CHD5: variants seen among roughly 807,000 people sequenced by gnomAD.
The protein encoded by CHD5 is ATP-dependent chromatin remodeler CHD5.
CHD5 carries 69 observed loss-of-function variants against 230.3 expected under a neutral mutation model. That is an observed-to-expected ratio of 0.30 (90% confidence interval 0.25 to 0.37). The LOEUF is 0.37. Among genes scored for constraint, CHD5 ranks in the 10% least tolerant of loss-of-function variants. CHD5 has a pLI of 1.00. For synonymous variants in CHD5, 1,064 were observed against 1,065.9 expected (o/e 1.00, Z 0.03); for missense variants, 1,827 against 2,622.8 (o/e 0.70, Z 6.63).
rs1453878947 is a variant in CHD5 at position 6,128,052 on chromosome 1, G to A, written c.3897C>T (p.Asp1299=). 6.8e-6 allele frequency: 11 copies of A among 1,606,034 alleles called. No homozygotes were observed. The highest frequency in any genetic ancestry group is 4.0e-5 in the African/African-American group (3 of 74,780). The change falls in exon 25 of 42, where the codon GAC becomes GAT. Residue 1299 remains aspartate, a synonymous_variant. Coordinates refer to ENST00000262450, the MANE Select transcript of CHD5 (RefSeq NM_015557.3). This position sits in a 1 kb window ranked among gnomAD's most constrained non-coding sequence, Gnocchi z 7.8. The part of the protein sequence containing the change: ...KVAQYVVREE[D]GVEEVEREII... ...GGCGGGCCGGGGACCTTACCACGCC[G>A]TCCTCCTCGCGCACCACGTACTGCG...
Position 6,143,907 on chromosome 1 carries a change from G to C in CHD5, c.1959C>G (p.Thr653=). Residue 653 remains threonine, a synonymous_variant, in exon 13 of 42, where the codon ACC becomes ACG. Transcript: ENST00000262450. ...GHRELMLGED[T]RLPKRLLKKG... Reference sequence around the variant, plus strand: ...TCTTGAGCAGCCTCTTGGGCAGCCTGGTGTCTTCTCCCAGCATCAGCTCCC... The same window carrying C: ...TCTTGAGCAGCCTCTTGGGCAGCCTCGTGTCTTCTCCCAGCATCAGCTCCC... The C allele has an allele frequency of 6.2e-7, 1 of 1,614,008 alleles. No individual in the cohort carries two copies. Among genetic ancestry groups the C allele is most frequent in the Non-Finnish European group, 8.5e-7 (1 of 1,180,016 alleles).
At position 6,154,967 on chromosome 1, in the gene CHD5, A is replaced by AG; in HGVS notation, c.507-70dup. On this transcript the variant is annotated intron_variant, in intron 4 of 41. Transcript: ENST00000262450. This position sits in a 1 kb window ranked among gnomAD's most constrained non-coding sequence, Gnocchi z 7.0. The stretch of plus-strand genomic sequence containing the variant: ...ATGAGAGGCCCACCCGACCCCCGGC[A>AG]GGGCCCACCCCTCTGCCACATGTGC... The AG allele has an allele frequency of 7.3e-7, 1 of 1,379,196 alleles. No homozygotes were observed. The highest frequency in any genetic ancestry group is 2.3e-5 in the East Asian group (1 of 43,158). 85.4% of individuals were successfully genotyped at this position (1,379,196 alleles called of 1,614,324 possible). A position where few individuals can be genotyped will look rare whatever the true frequency, so the allele number is the denominator to read the frequency against.
chr1:6,108,080 AGATGGAGGGAT>A (rs1182870647), intron 38 of CHD5, among the ~76,000 whole-genome samples: 2 of 79,976 alleles, frequency 2.5e-5, no homozygotes, highest in Admixed American at 1.2e-4. Flanking sequence ...GATGATGGAG[AGATGGAGGGAT>A]GATGGAGGGA....
Position 6,106,724 on chromosome 1 carries a change from C to T in CHD5, c.5634G>A (p.Leu1878=). Residue 1878 remains leucine (L), a synonymous_variant, in exon 39 of 42, where the codon CTG becomes CTA. Transcript: ENST00000262450. ...LSDMKADVTR[L]PSMLSRIPPV... ...GGGGGATGCGGGACAGCATGGATGGCAGCCGGGTCACGTCGGCCTTCATGT... is the reference window on the plus strand; with the variant it reads ...GGGGGATGCGGGACAGCATGGATGGTAGCCGGGTCACGTCGGCCTTCATGT... The T allele has an allele frequency of 6.2e-7, 1 of 1,611,960 alleles. No homozygotes were observed. The highest frequency in any genetic ancestry group is 8.5e-7 in the Non-Finnish European group (1 of 1,179,740).
intron 2 of CHD5, 37 bp downstream of exon 2, chr1:6,168,113 C>A: frequency 6.3e-7 from 1 of 1,575,146 alleles, no homozygotes; most frequent in Non-Finnish European, 8.7e-7. Flanking sequence ...ACAACCCCAC[C>A]CGCCCCAAGC....
chr1:6,113,451 T>A, intron 33 of CHD5: 1 of 271,830 alleles, frequency 3.7e-6, no homozygotes, highest in Non-Finnish European at 7.6e-6. Context: ...AGAAGATGAG[T>A]TCCCAAGAAG....
chr1:6,149,588 T>C (rs1451673814), intron 7 of CHD5, among the ~76,000 whole-genome samples, 176 bp from the exon 8 acceptor site: 1 of 151,490 alleles, frequency 6.6e-6, no homozygotes, highest in Non-Finnish European at 1.5e-5. Context: ...AGATAGAAGA[T>C]GGATAAAAGG....
intron 15 of CHD5, among the ~76,000 whole-genome samples, chr1:6,137,613 G>C (rs139745142): frequency 6.6e-6 from 1 of 152,204 alleles, no homozygotes; most frequent in South Asian, 2.1e-4. Context: ...GAATACAGGC[G>C]TGAGCTACCG....
rs150110448 is a variant in CHD5 at position 6,135,972 on chromosome 1, T to C, written c.2696+545A>G. 4.3e-3 allele frequency among the ~76,000 whole-genome samples: 656 copies of C among 151,982 alleles called. 14 individuals are homozygous for C. The highest frequency in any genetic ancestry group is 0.031 in the Admixed American group (480 of 15,258). On this transcript the variant is annotated intron_variant, in intron 17 of 41. Coordinates refer to ENST00000262450, the MANE Select transcript of CHD5 (RefSeq NM_015557.3). ...TTGCAGTGAACTGAGATCAAGCCACTGCACTCTGGCCTGGGTGACAGAGTG... is the reference window on the plus strand; with the variant it reads ...TTGCAGTGAACTGAGATCAAGCCACCGCACTCTGGCCTGGGTGACAGAGTG...
intron 17 of CHD5, 141 bp downstream of exon 17, chr1:6,136,376 G>A (rs1417625589): frequency 2.1e-6 from 2 of 969,510 alleles, no homozygotes; most frequent in Non-Finnish European, 3.1e-6. Context: ...GGTCAAAGCG[G>A]GGACATTGCT....
intron 2 of CHD5, among the ~76,000 whole-genome samples, chr1:6,161,218 C>G (rs985409613): frequency 1.3e-5 from 2 of 152,080 alleles, no homozygotes; most frequent in Non-Finnish European, 2.9e-5. Flanking sequence ...TGGGAGGCCC[C>G]CAGCCCAACT....
intron 25 of CHD5, among the ~76,000 whole-genome samples, chr1:6,127,797 T>G (rs575243668): frequency 6.6e-6 from 1 of 152,288 alleles, no homozygotes; most frequent in African/African-American, 2.4e-5. Context: ...GTGTCTCTAG[T>G]CCTGAGCCCG....
Position 6,134,148 on chromosome 1 carries a change from G to A in CHD5, c.3124C>T (p.Arg1042Cys), listed in dbSNP as rs776744869. ...MLKKLRDEGHRVLIFSQMTKM... is the reference protein window; with the variant it reads ...MLKKLRDEGHCVLIFSQMTKM... The stretch of plus-strand genomic sequence containing the variant: ...CGCACCTGGGAGAAGATGAGCACAC[G>A]GTGCCCCTCATCCCGCAGTTTCTTC... Residue 1042 changes from arginine (R) to cysteine (C), a missense_variant, in exon 20 of 42, where the codon CGT becomes TGT. Physicochemically the swap from Arg to Cys is radical, Grantham distance 180. Around this residue, in one of 14 missense-constraint regions of CHD5, gnomAD observed 38 missense variants for 49.5 expected, o/e 0.77. Transcript: ENST00000262450. This position sits in a 1 kb window ranked among gnomAD's most constrained non-coding sequence, Gnocchi z 6.3. 1 of 1,613,330 alleles carries A rather than the reference G, an allele frequency of 6.2e-7. No homozygotes were observed. The highest frequency in any genetic ancestry group is 8.5e-7 in the Non-Finnish European group (1 of 1,179,938).
chr1:6,147,741 A>C (rs1285400173), intron 9 of CHD5, among the ~76,000 whole-genome samples: 2 of 152,196 alleles, frequency 1.3e-5, no homozygotes, highest in Non-Finnish European at 2.9e-5. Flanking sequence ...TCCACCTACC[A>C]GATCTGTGGT....
Position 6,102,121 on chromosome 1 carries a change from C to A in CHD5, c.*3353G>T, listed in dbSNP as rs1478026899. 6.0e-6 allele frequency: 2 copies of A among 334,914 alleles called. No individual in the cohort carries two copies. The highest frequency in any genetic ancestry group is 1.2e-5 in the Non-Finnish European group (2 of 166,216). 20.7% of individuals were successfully genotyped at this position (334,914 alleles called of 1,614,324 possible). ...TCCACACCCCTGAACTCAGACCCCA[C>A]GGGCCAGTGGGGACCCTCCCTTCCT... is the stretch of plus-strand genomic sequence containing the variant. On this transcript the variant is annotated 3_prime_UTR_variant, in exon 42 of 42. Coordinates refer to ENST00000262450, the MANE Select transcript of CHD5 (RefSeq NM_015557.3).
chr1:6,113,068 C>G, intron 33 of CHD5, 70 bp from the exon 34 acceptor site: 5 of 1,060,278 alleles, frequency 4.7e-6, no homozygotes, highest in Non-Finnish European at 7.3e-6. Flanking sequence ...GGGCTCGTGG[C>G]TTTCCACCCA....
chr1:6,112,815 G>A (rs4908515), intron 34 of CHD5, 94 bp downstream of exon 34: 547,843 of 899,762 alleles, frequency 0.61, 172,652 homozygotes, highest in East Asian at 1. Context: ...CCAAGGGGAC[G>A]GCGCCTGGGA....
At position 6,112,264 on chromosome 1, in the gene CHD5, A is replaced by G; in HGVS notation, c.5016T>C (p.Ala1672=). The G allele has an allele frequency of 6.2e-7, 1 of 1,614,012 alleles. No individual in the cohort carries two copies. Among genetic ancestry groups the G allele is most frequent in the Non-Finnish European group, 8.5e-7 (1 of 1,179,980 alleles). The change falls in exon 35 of 42, where the codon GCT becomes GCC. Residue 1672 remains alanine, a synonymous_variant. Transcript: ENST00000262450. ...SSELRPDDTK[A]EEKEPIETQQ... is the part of the protein sequence containing the mutation. ...GTGTTTCAATGGGCTCCTTCTCCTCAGCCTTGGTGTCATCTGCCGGGGACA... is the reference window on the plus strand; with the variant it reads ...GTGTTTCAATGGGCTCCTTCTCCTCGGCCTTGGTGTCATCTGCCGGGGACA...
rs1666531643 is a variant in CHD5 at position 6,125,008 on chromosome 1, G to A, written c.4394+92C>T. 3 of 1,317,034 alleles carry A rather than the reference G, an allele frequency of 2.3e-6. No individual in the cohort carries two copies. The allele number at this position is 1,317,034 out of a possible 1,614,324, so 81.6% of individuals were successfully genotyped here. ...TCCAGACGGCCTCATCCTGGCGGAA[G>A]CAAATGCTGCCCTCTGTGGGGCTCA... On this transcript the variant is annotated intron_variant, in intron 29 of 41. Transcript: ENST00000262450. This position sits in a 1 kb window ranked among gnomAD's most constrained non-coding sequence, Gnocchi z 6.7.
Sources: allele counts gnomAD v4.1 joint callset (sites outside exome capture counted in the v4.1 genomes callset), GRCh38; gene constraint gnomAD v4.1.1; regional missense constraint gnomAD v4.1.1; non-coding constraint Gnocchi (gnomAD v3.1); transcripts MANE v1.5; gene names NCBI Gene and HGNC (gene_info 2026-07-23, HGNC 2026-07-21).